Variants in RIMS2 observed in about 807,000 individuals in gnomAD.
The protein encoded by RIMS2 is regulating synaptic membrane exocytosis protein 2.
A neutral mutation model predicts 174.4 loss-of-function variants in RIMS2; 59 were observed. The observed-to-expected ratio is 0.34, with a 90% CI of 0.27 to 0.42. The LOEUF (loss-of-function observed/expected upper bound fraction) is 0.42, where lower values mean the gene tolerates loss of function less well. Ranked by LOEUF, RIMS2 falls within the 10% of genes least tolerant of loss-of-function variation. The pLI is 1.00. For missense variants in RIMS2, 1,620 were observed against 1,666.3 expected, an observed-to-expected ratio of 0.97 and a Z score of 0.48; for synonymous variants, 606 against 572.5, an observed-to-expected ratio of 1.06 and a Z score of -0.84.
chr8:104,062,868 T>C (rs2097028538), intron 19 of RIMS2, among the ~76,000 whole-genome samples: 1 of 152,134 alleles, frequency 6.6e-6, no homozygotes, highest in African/African-American at 2.4e-5. Flanking sequence ...TGTAATAAGA[T>C]AGTTATCAAA....
intron 1 of RIMS2, among the ~76,000 whole-genome samples, chr8:103,686,270 A>T (rs1339902552): frequency 6.6e-6 from 1 of 152,144 alleles, no homozygotes; most frequent in Non-Finnish European, 1.5e-5. Context: ...AGGTAGGGCA[A>T]CTGCAAATAG....
chr8:103,759,979 G>T (rs1010687163), intron 2 of RIMS2, among the ~76,000 whole-genome samples: 2 of 152,184 alleles, frequency 1.3e-5, no homozygotes, highest in African/African-American at 4.8e-5. Flanking sequence ...TAGAGAACTT[G>T]TCCAAAGGAG....
At chr8:103,673,685 C>T (rs887658868) in intron 1 of RIMS2, among the ~76,000 whole-genome samples, 1 of 152,134 alleles carries the variant, frequency 6.6e-6, no homozygotes, top group East Asian at 1.9e-4. Context: ...GATAGGTGGG[C>T]CCGCCATGAA....
intron 1 of RIMS2, among the ~76,000 whole-genome samples, chr8:103,620,048 C>T (rs2095600002): frequency 6.6e-6 from 1 of 152,146 alleles, no homozygotes; most frequent in African/African-American, 2.4e-5. Context: ...TAAGCTCTAG[C>T]TGTCACCACC....
chr8:103,572,965 A>C (rs2092943426), intron 1 of RIMS2, among the ~76,000 whole-genome samples: 1 of 152,162 alleles, frequency 6.6e-6, no homozygotes, highest in South Asian at 2.1e-4. Flanking sequence ...CGTAGTCATA[A>C]ATTCTTCCCC....
intron 1 of RIMS2, among the ~76,000 whole-genome samples, chr8:103,668,358 A>T (rs1459173476): frequency 1.3e-5 from 2 of 152,182 alleles, no homozygotes; most frequent in Non-Finnish European, 2.9e-5. Flanking sequence ...AGGGAAATAC[A>T]TTTTCTGATA....
intron 19 of RIMS2, among the ~76,000 whole-genome samples, chr8:104,056,581 G>T (rs2154559590): frequency 6.6e-6 from 1 of 152,190 alleles, no homozygotes; most frequent in Admixed American, 6.5e-5. Context: ...AACCAGTGCT[G>T]TTTTTTAAGG....
At chr8:104,059,969 T>A (rs905311460) in intron 19 of RIMS2, among the ~76,000 whole-genome samples, 8 of 152,172 alleles carry the variant, frequency 5.3e-5, no homozygotes, top group South Asian at 2.1e-4. Flanking sequence ...GGATTCGTTT[T>A]GCCAGTATTT....
intron 19 of RIMS2, among the ~76,000 whole-genome samples, chr8:104,216,119 G>A (rs1448348247): frequency 6.6e-6 from 1 of 152,124 alleles, no homozygotes; most frequent in Non-Finnish European, 1.5e-5. Context: ...TGTGATTTTG[G>A]CTGAACTCAT....
intron 19 of RIMS2, among the ~76,000 whole-genome samples, chr8:104,169,369 T>C (rs2098818702): frequency 6.7e-6 from 1 of 148,408 alleles, no homozygotes; most frequent in Non-Finnish European, 1.5e-5. Context: ...TACTTGTTAT[T>C]AGTCTGTTTA....
At chr8:103,636,788 A>ACCC (rs768545308) in intron 1 of RIMS2, among the ~76,000 whole-genome samples, 4 of 43,594 alleles carry the variant, frequency 9.2e-5, no homozygotes, top group African/African-American at 3.5e-4. Flanking sequence ...CCACCCCCGC[A>ACCC]CCCCCCCCCC....
chr8:104,101,848 T>G (rs1433249234), intron 19 of RIMS2, among the ~76,000 whole-genome samples: 2 of 152,216 alleles, frequency 1.3e-5, no homozygotes, highest in Non-Finnish European at 2.9e-5. Flanking sequence ...ATTTAGAATT[T>G]GATCTCATTG....
chr8:103,949,124 C>CAAAAAAAAA (rs533642917), intron 14 of RIMS2, among the ~76,000 whole-genome samples: 1 of 44,094 alleles, frequency 2.3e-5, no homozygotes. Flanking sequence ...GAGACTCTGT[C>CAAAAAAAAA]AAAAAAAAAA....
intron 19 of RIMS2, among the ~76,000 whole-genome samples, chr8:104,233,087 G>A (rs992997569): frequency 6.6e-6 from 1 of 152,098 alleles, no homozygotes; most frequent in South Asian, 2.1e-4. Flanking sequence ...CAAGAACGGG[G>A]GGAAATCTAT....
intron 19 of RIMS2, among the ~76,000 whole-genome samples, chr8:104,197,407 C>T (rs1355518147): frequency 2.6e-5 from 4 of 152,078 alleles, no homozygotes; most frequent in Non-Finnish European, 5.9e-5. Flanking sequence ...GAACCCCTGA[C>T]CTCAAGTGAT....
chr8:104,161,186 T>A (rs1566763922), intron 19 of RIMS2, among the ~76,000 whole-genome samples: 1 of 152,184 alleles, frequency 6.6e-6, no homozygotes, highest in African/African-American at 2.4e-5. Context: ...TTAATATTAT[T>A]ATTATATTGT....
chr8:104,036,746 G>A (rs1016386825), intron 19 of RIMS2, among the ~76,000 whole-genome samples: 2 of 151,788 alleles, frequency 1.3e-5, no homozygotes, highest in African/African-American at 2.4e-5. Context: ...GTGTGGTGGC[G>A]TGCACCTGTA....
chr8:103,748,233 G>A (rs1216249407), intron 2 of RIMS2, among the ~76,000 whole-genome samples: 2 of 151,972 alleles, frequency 1.3e-5, no homozygotes, highest in Non-Finnish European at 2.9e-5. Flanking sequence ...CTTGAGTCTA[G>A]GAGTTCAAGA....
intron 1 of RIMS2, among the ~76,000 whole-genome samples, chr8:103,567,710 T>G (rs534646429): frequency 1.6e-4 from 25 of 152,314 alleles, no homozygotes; most frequent in African/African-American, 6.0e-4. Context: ...ATATGGTAAC[T>G]CTAGGTTTAA....
Sources: gnomAD v4.1 joint callset for allele counts (sites outside exome capture counted in the v4.1 genomes callset) on GRCh38, gnomAD v4.1.1 for gene constraint, MANE v1.5 for transcripts, NCBI Gene and HGNC (gene_info 2026-07-23, HGNC 2026-07-21) for gene names.